The following DCUN1D4 variants were observed in gnomAD, a reference collection of about 807,000 sequenced individuals.
DCUN1D4 encodes the protein defective in cullin neddylation 1 domain containing 4.
Under a neutral mutation model 47.9 loss-of-function variants are expected in DCUN1D4, and 22 were observed. The observed-to-expected ratio is 0.46, with a 90% CI of 0.33 to 0.66. The LOEUF (loss-of-function observed/expected upper bound fraction) is 0.66, where lower values mean the gene tolerates loss of function less well. Among genes scored for constraint, DCUN1D4 ranks in the 30% least tolerant of loss-of-function variants. The probability of loss-of-function intolerance (pLI) is 0.02; values close to 1 mark genes in which losing one functional copy is unlikely to be tolerated. For missense variants in DCUN1D4, 301 were observed against 340.8 expected, an observed-to-expected ratio of 0.88 and a Z score of 0.92; for synonymous variants, 121 against 112.2, an observed-to-expected ratio of 1.08 and a Z score of -0.50.
At chr4:51,887,083 T>C in intron 6 of DCUN1D4, 1 of 450,558 alleles carries the variant, frequency 2.2e-6, no homozygotes, top group Non-Finnish European at 4.4e-6. Context: ...TTACTTCCAA[T>C]TGAATTTAGC....
intron 3 of DCUN1D4, among the ~76,000 whole-genome samples, chr4:51,868,837 A>C (rs1446829204): frequency 6.6e-6 from 1 of 152,206 alleles, no homozygotes; most frequent in Non-Finnish European, 1.5e-5. Flanking sequence ...GAGCCCAATC[A>C]GGCTGGGTGT....
intron 5 of DCUN1D4, among the ~76,000 whole-genome samples, chr4:51,880,582 C>T (rs1728442419): frequency 6.6e-6 from 1 of 152,212 alleles, no homozygotes; most frequent in African/African-American, 2.4e-5. Context: ...CCCAGTCATC[C>T]TCTGCACATT....
intron 1 of DCUN1D4, chr4:51,860,571 T>C (rs775084777): frequency 1.1e-5 from 5 of 455,342 alleles, no homozygotes; most frequent in South Asian, 7.8e-5. Flanking sequence ...TGCTGGCATC[T>C]GCTTGGCTTC....
At chr4:51,913,160 G>A in intron 9 of DCUN1D4, 130 bp from the exon 10 acceptor site, 1 of 563,556 alleles carries the variant, frequency 1.8e-6, no homozygotes, top group Non-Finnish European at 3.1e-6. Flanking sequence ...CTAGATTGGT[G>A]CTTAACAAAC....
intron 3 of DCUN1D4, among the ~76,000 whole-genome samples, chr4:51,873,497 G>A (rs758288401): frequency 7.2e-5 from 11 of 152,192 alleles, no homozygotes; most frequent in East Asian, 5.8e-4. Context: ...ACCTCCCTCC[G>A]CCTCCGTTTT....
At chr4:51,848,338 A>G in intron 1 of DCUN1D4, 2 of 1,284,740 alleles carry the variant, frequency 1.6e-6, no homozygotes, top group East Asian at 5.6e-5. Flanking sequence ...TCAGCGTCCT[A>G]CCTGCACAAG....
In DCUN1D4 at chr4:51,877,799, T is replaced by G; in HGVS notation, c.288T>G (p.Thr96=). 1.9e-6 allele frequency: 3 copies of G among 1,612,080 alleles called. No individual in the cohort carries two copies. Among genetic ancestry groups the G allele is most frequent in the Non-Finnish European group, 2.5e-6 (3 of 1,179,220 alleles). The change falls in exon 5 of 11, where the codon ACT becomes ACG. Residue 96 remains threonine, a synonymous_variant. Coordinates refer to ENST00000334635, the MANE Select transcript of DCUN1D4 (RefSeq NM_001040402.3). ...YRKYDSTRIK[T]EEEAFSSKRC... Reference sequence around the variant, plus strand: ...AATATGATTCGACTAGAATAAAGACTGAAGAAGAAGCCTTTTCAAGTAAAA... The same window carrying G: ...AATATGATTCGACTAGAATAAAGACGGAAGAAGAAGCCTTTTCAAGTAAAA...
At chr4:51,834,104 T>TTTTTTTTTTA in the DCUN1D4 span, among the ~76,000 whole-genome samples, 2 of 115,474 alleles carry the variant, frequency 1.7e-5, 1 homozygote, top group African/African-American at 8.4e-5. Flanking sequence ...TTCTTCTTTC[T>TTTTTTTTTTA]TTTTTTTTTC....
At chr4:51,910,344 T>C (rs1733537657) in intron 8 of DCUN1D4, among the ~76,000 whole-genome samples, 1 of 152,192 alleles carries the variant, frequency 6.6e-6, no homozygotes, top group Non-Finnish European at 1.5e-5. Context: ...TAGGTTTATG[T>C]TCTTATCTTT....
At chr4:51,864,337 A>G (rs573273640) in intron 3 of DCUN1D4, among the ~76,000 whole-genome samples, 168 of 152,200 alleles carry the variant, frequency 1.1e-3, no homozygotes, top group African/African-American at 4.0e-3. Context: ...ACTTCTCTCA[A>G]CTGTTAGTAA....
chr4:51,909,950 A>T (rs1162893068), intron 8 of DCUN1D4, among the ~76,000 whole-genome samples: 1 of 152,218 alleles, frequency 6.6e-6, no homozygotes, highest in Non-Finnish European at 1.5e-5. Flanking sequence ...AATGGTTTGT[A>T]TACTAAAGAG....
intron 1 of DCUN1D4, chr4:51,843,602 C>A (rs1721948513): frequency 4.3e-6 from 4 of 935,216 alleles, no homozygotes; most frequent in Non-Finnish European, 4.9e-6. Context: ...GTGGAGGCAG[C>A]GTTGGGCTGT....
intron 7 of DCUN1D4, 47 bp downstream of exon 7, chr4:51,891,898 G>A (rs755785284): frequency 6.9e-7 from 1 of 1,453,124 alleles, no homozygotes; most frequent in Non-Finnish European, 9.5e-7. Flanking sequence ...TTCCCAGGTG[G>A]TTGCCTCCTT....
chr4:51,846,880 A>G (rs897862889), intron 1 of DCUN1D4, among the ~76,000 whole-genome samples: 1 of 152,178 alleles, frequency 6.6e-6, no homozygotes, highest in African/African-American at 2.4e-5. Context: ...TCATGTTTGC[A>G]GTATGGTTGC....
intron 1 of DCUN1D4, among the ~76,000 whole-genome samples, chr4:51,845,693 T>G (rs1162115903): frequency 6.6e-6 from 1 of 152,196 alleles, no homozygotes; most frequent in African/African-American, 2.4e-5. Flanking sequence ...TGAAACTACT[T>G]GCAACATAGT....
intron 7 of DCUN1D4, among the ~76,000 whole-genome samples, chr4:51,892,975 A>C (rs1730674497): frequency 1.3e-5 from 2 of 152,238 alleles, no homozygotes; most frequent in Admixed American, 6.5e-5. Flanking sequence ...GTTATTGTTG[A>C]GAATGCTTTC....
chr4:51,895,025 A>G (rs1486418916), intron 7 of DCUN1D4, among the ~76,000 whole-genome samples: 1 of 152,082 alleles, frequency 6.6e-6, no homozygotes, highest in Non-Finnish European at 1.5e-5. Context: ...GGGGCAAACA[A>G]GCGCCCTTGG....
At chr4:51,839,147 G>A (rs562273153), upstream of DCUN1D4, among the ~76,000 whole-genome samples, 1 of 149,868 alleles carries the variant, frequency 6.7e-6, no homozygotes, top group East Asian at 2.0e-4. Context: ...GGGAGGGAAG[G>A]AAGGAAGGAA....
intron 7 of DCUN1D4, among the ~76,000 whole-genome samples, chr4:51,896,525 G>C (rs527894710): frequency 1.3e-5 from 2 of 151,758 alleles, no homozygotes; most frequent in African/African-American, 2.4e-5. Context: ...ATGTTTTTGG[G>C]TTACCCAGTT....
Sources: gnomAD v4.1 joint callset for allele counts (sites outside exome capture counted in the v4.1 genomes callset) on GRCh38, gnomAD v4.1.1 for gene constraint, MANE v1.5 for transcripts, NCBI Gene and HGNC (gene_info 2026-07-23, HGNC 2026-07-21) for gene names.